The following TMEM8B variants were observed in gnomAD, a reference collection of about 807,000 sequenced individuals.
TMEM8B encodes the protein nasopharyngeal carcinoma expressed 6.
In TMEM8B, 29 loss-of-function variants were observed where a neutral mutation model predicts 49.3. The observed-to-expected ratio is 0.59, with a 90% CI of 0.44 to 0.80. The LOEUF (loss-of-function observed/expected upper bound fraction) is 0.80. TMEM8B is among the 30% of genes least tolerant of loss of function. TMEM8B has a pLI of 0.00. For synonymous variants in TMEM8B, 264 were observed against 272.8 expected (o/e 0.97, Z 0.32); for missense variants, 575 against 658.5 (o/e 0.87, Z 1.39).
chr9:35,847,070 G>T, intron 10 of TMEM8B, 75 bp downstream of exon 10: 1 of 1,614,214 alleles, frequency 6.2e-7, no homozygotes, highest in Non-Finnish European at 8.5e-7. Context: ...TTTCCACCAC[G>T]TTCTCCGAGG....
chr9:35,839,269 C>T (rs559047355), intron 3 of TMEM8B, among the ~76,000 whole-genome samples: 2 of 152,368 alleles, frequency 1.3e-5, no homozygotes, highest in Admixed American at 1.3e-4. Flanking sequence ...CCATCCACAT[C>T]TCACTTTTGC....
Position 35,853,936 on chromosome 9 carries a change from C to T in TMEM8B, c.*96C>T. On this transcript the variant is annotated 3_prime_UTR_variant, in exon 13 of 13. Coordinates refer to ENST00000643932, the MANE Select transcript of TMEM8B (RefSeq NM_001042590.4). The surrounding 1 kb of genome is among the most constrained non-coding windows in gnomAD (Gnocchi z 4.2). Reference sequence around the variant, plus strand: ...TCTTAGAAGGAGACAGGCTGTATTTCTTGAGGACATGGAGTCTTTCTCAAG... The same window carrying T: ...TCTTAGAAGGAGACAGGCTGTATTTTTTGAGGACATGGAGTCTTTCTCAAG... 1 of 1,426,542 alleles carries T rather than the reference C, an allele frequency of 7.0e-7. No homozygotes were observed. Among genetic ancestry groups the T allele is most frequent in the Non-Finnish European group, 9.1e-7 (1 of 1,094,678 alleles). 88.4% of individuals were successfully genotyped at this position (1,426,542 alleles called of 1,614,324 possible). A position where few individuals can be genotyped will look rare whatever the true frequency, so the allele number is the denominator to read the frequency against.
chr9:35,836,430 A>C (rs979908222), intron 3 of TMEM8B, among the ~76,000 whole-genome samples: 4 of 152,160 alleles, frequency 2.6e-5, no homozygotes, highest in African/African-American at 9.7e-5. Flanking sequence ...CTTTATCCCA[A>C]CTCTGATCCT....
rs1832407529 is a variant in TMEM8B, at chr9:35,854,205, G to C, written c.*365G>C. 4.0e-6 allele frequency: 1 copy of C among 252,478 alleles called. No individual in the cohort carries two copies. Among genetic ancestry groups the C allele is most frequent in the Non-Finnish European group, 6.8e-6 (1 of 146,158 alleles). 15.6% of individuals were successfully genotyped at this position (252,478 alleles called of 1,614,324 possible). ...CTGTCAGGAGCACAGCATCTTTCCA[G>C]AGGAGGTGGAGTCTATCTTGGGGAA... On this transcript the variant is annotated 3_prime_UTR_variant, in exon 13 of 13. Transcript: ENST00000643932.
In TMEM8B at chr9:35,829,876, G is replaced by C; in HGVS notation, c.429G>C (p.Gln143His). Residue 143 changes from glutamine to histidine, a missense_variant, in exon 1 of 13, where the codon CAG becomes CAC. Coordinates refer to ENST00000643932, the MANE Select transcript of TMEM8B (RefSeq NM_001042590.4). ...PPISHTLPLS[Q>H]PRLKSGFQLP... ...TCTCTCATACTCTGCCCCTCTCCCA[G>C]CCTAGACTCAAGTCTGGGTTTCAGC... 2.4e-6 allele frequency: 1 copy of C among 416,298 alleles called. No homozygotes were observed. 25.8% of individuals were successfully genotyped at this position (416,298 alleles called of 1,614,324 possible). A position where few individuals can be genotyped will look rare whatever the true frequency, so the allele number is the denominator to read the frequency against.
rs189948748 is a variant in TMEM8B, at chr9:35,839,744, A to G, written c.907-1390A>G. ...GATTCTTGCCATAGGAGGTGGGGTCAGTGCAGTGACTTATGAGAGTCTTTT... is the reference window on the plus strand; with the variant it reads ...GATTCTTGCCATAGGAGGTGGGGTCGGTGCAGTGACTTATGAGAGTCTTTT... On this transcript the variant is annotated intron_variant, in intron 3 of 12. Coordinates refer to ENST00000643932, the MANE Select transcript of TMEM8B (RefSeq NM_001042590.4). 9.9e-5 allele frequency among the ~76,000 whole-genome samples: 15 copies of G among 152,248 alleles called. 1 individual carries two copies. In the East Asian group the frequency reaches 2.9e-3, roughly 29 times the overall value.
chr9:35,847,150 G>A, intron 10 of TMEM8B, 155 bp downstream of exon 10: 1 of 1,611,574 alleles, frequency 6.2e-7, no homozygotes, highest in Non-Finnish European at 8.5e-7. Flanking sequence ...AAACTGTCAT[G>A]CATAGATAAT....
In TMEM8B at chr9:35,853,959, A is replaced by C. The variant is rs1832393250; in HGVS notation, c.*119A>C. On this transcript the variant is annotated 3_prime_UTR_variant, in exon 13 of 13. Transcript: ENST00000643932. The surrounding 1 kb of genome is among the most constrained non-coding windows in gnomAD (Gnocchi z 4.2). ...TTCTTGAGGACATGGAGTCTTTCTC[A>C]AGGACACAAAACTCTTCCAGGGACC... is the stretch of plus-strand genomic sequence containing the variant. 1 of 1,390,276 alleles carries C rather than the reference A, an allele frequency of 7.2e-7. No homozygotes were observed. Among genetic ancestry groups the C allele is most frequent in the African/African-American group, 1.5e-5 (1 of 68,740 alleles). 86.1% of individuals were successfully genotyped at this position (1,390,276 alleles called of 1,614,324 possible). A position where few individuals can be genotyped will look rare whatever the true frequency, so the allele number is the denominator to read the frequency against.
chr9:35,846,992 C>T lies in TMEM8B; in HGVS notation c.2172C>T (p.Ser724=). ...AAVYTFTMFF[S]TFYHACDQPG... ...TCTACACCTTCACCATGTTCTTCTC[C>T]ACGGTATGCGGTGGTGTCTGCATCT... is the stretch of plus-strand genomic sequence containing the variant. The change falls in exon 10 of 13, where the codon TCC becomes TCT. Residue 724 remains serine, a synonymous_variant. Coordinates refer to ENST00000643932, the MANE Select transcript of TMEM8B (RefSeq NM_001042590.4). 1 of 1,614,202 alleles carries T rather than the reference C, an allele frequency of 6.2e-7. No homozygotes were observed. The highest frequency in any genetic ancestry group is 8.5e-7 in the Non-Finnish European group (1 of 1,180,030).
intron 10 of TMEM8B, among the ~76,000 whole-genome samples, chr9:35,849,595 G>A (rs540225075): frequency 6.6e-6 from 1 of 152,274 alleles, no homozygotes; most frequent in South Asian, 2.1e-4. Flanking sequence ...TAGAATCTGG[G>A]TGAGCCTGAC....
intron 9 of TMEM8B, 91 bp from the exon 10 acceptor site, chr9:35,846,726 A>T: frequency 6.5e-7 from 1 of 1,544,270 alleles, no homozygotes; most frequent in Non-Finnish European, 8.7e-7. Flanking sequence ...CGGGTTTGGC[A>T]GAGCCGGGGT....
rs1588187876 is a variant in TMEM8B, at chr9:35,853,428, G to T, written c.2440-77G>T. 1 of 1,545,294 alleles carries T rather than the reference G, an allele frequency of 6.5e-7. No individual in the cohort carries two copies. Among genetic ancestry groups the T allele is most frequent in the East Asian group, 2.2e-5 (1 of 44,458 alleles). On this transcript the variant is annotated intron_variant, in intron 12 of 12. Coordinates refer to ENST00000643932, the MANE Select transcript of TMEM8B (RefSeq NM_001042590.4). This position sits in a 1 kb window ranked among gnomAD's most constrained non-coding sequence, Gnocchi z 4.2. The stretch of plus-strand genomic sequence containing the variant: ...TTTAGGTCACAACCAGGATACAGAG[G>T]AAACCTGAGAGTGACCAGCTCTGGC...
chr9:35,842,470 C>T lies in TMEM8B; in HGVS notation c.1388C>T (p.Pro463Leu), dbSNP rs1484525739. 2 of 1,592,656 alleles carry T rather than the reference C, an allele frequency of 1.3e-6. No homozygotes were observed. The highest frequency in any genetic ancestry group is 4.5e-5 in the East Asian group (2 of 44,568). ...MNMPQSLGNQ[P>L]LPPEPPSLGT... ...ATGCCCCAGTCCCTGGGCAACCAGCCACTGCCCCCAGAACCGCCATCCCTT... is the reference window on the plus strand; with the variant it reads ...ATGCCCCAGTCCCTGGGCAACCAGCTACTGCCCCCAGAACCGCCATCCCTT... Residue 463 changes from proline (P) to leucine (L), a missense_variant, in exon 6 of 13, where the codon CCA (proline) becomes CTA (leucine). Coordinates refer to ENST00000643932, the MANE Select transcript of TMEM8B (RefSeq NM_001042590.4). The surrounding 1 kb of genome is among the most constrained non-coding windows in gnomAD (Gnocchi z 5.6).
chr9:35,834,031 T>TACACACACACACACACACACACAC (rs377460934), intron 1 of TMEM8B, among the ~76,000 whole-genome samples: 2 of 138,322 alleles, frequency 1.4e-5, no homozygotes, highest in Non-Finnish European at 3.1e-5. Flanking sequence ...CATGCCAAAA[T>TACACACACACACACACACACACAC]ACACACACAC....
At chr9:35,847,308 A>G in intron 10 of TMEM8B, 1 of 692,720 alleles carries the variant, frequency 1.4e-6, no homozygotes, top group Non-Finnish European at 2.5e-6. Flanking sequence ...AAACTGGCCT[A>G]AAGTATGGAT....
chr9:35,833,452 G>A (rs1182896172), intron 1 of TMEM8B: 7 of 688,304 alleles, frequency 1.0e-5, no homozygotes, highest in Middle Eastern at 7.1e-4. Flanking sequence ...TCCCCTGTCT[G>A]CTACTGGTTG....
intron 3 of TMEM8B, among the ~76,000 whole-genome samples, chr9:35,839,896 T>C (rs1830803776): frequency 6.6e-6 from 1 of 152,242 alleles, no homozygotes; most frequent in Non-Finnish European, 1.5e-5. Flanking sequence ...GGTGGTGTGC[T>C]AGACACTGGG....
Position 35,846,521 on chromosome 9 carries a change from T to A in TMEM8B, c.1906T>A (p.Ser636Thr). ...CGAGGTGCGGATGCGCACCTTCCTG[T>A]CCCCATGCGTGGACGACTGCGGGCC... ...TAEVRMRTFL[S>T]PCVDDCGPYG... The change falls in exon 9 of 13, where the codon TCC (serine) becomes ACC (threonine). Residue 636 changes from serine to threonine, a missense_variant. Ser to Thr is a moderately conservative substitution (Grantham distance 58). Transcript: ENST00000643932. 6.3e-7 allele frequency: 1 copy of A among 1,590,042 alleles called. No individual in the cohort carries two copies. The highest frequency in any genetic ancestry group is 8.6e-7 in the Non-Finnish European group (1 of 1,168,250).
rs1304350238 is a variant in TMEM8B, at chr9:35,842,996, AGTT to A, written c.1635+283_1635+285del. Among the ~76,000 whole-genome samples the A allele has an allele frequency of 5.9e-5, 9 of 152,166 alleles. No individual in the cohort carries two copies. Among genetic ancestry groups the A allele is most frequent in the Non-Finnish European group, 1.2e-4 (8 of 68,044 alleles). On this transcript the variant is annotated intron_variant, in intron 6 of 12. Transcript: ENST00000643932. This position sits in a 1 kb window ranked among gnomAD's most constrained non-coding sequence, Gnocchi z 5.6. Reference sequence around the variant, plus strand: ...CTCATTACTGGCCTTTCACTACGGTAGTTGTTAACCTTTTCTTGCAAATCTCCT... The same window carrying A: ...CTCATTACTGGCCTTTCACTACGGTAGTTAACCTTTTCTTGCAAATCTCCT...
Sources: gnomAD v4.1 joint callset for allele counts (sites outside exome capture counted in the v4.1 genomes callset) on GRCh38, gnomAD v4.1.1 for gene constraint, Gnocchi (gnomAD v3.1) non-coding constraint, MANE v1.5 for transcripts, NCBI Gene and HGNC (gene_info 2026-07-23, HGNC 2026-07-21) for gene names.